CEP112: variants seen among roughly 807,000 people sequenced by gnomAD.
CEP112 encodes centrosomal protein of 112 kDa.
CEP112 carries 127 observed loss-of-function variants against 153.0 expected under a neutral mutation model. That is an observed-to-expected ratio of 0.83 (90% confidence interval 0.72 to 0.96). CEP112 has a LOEUF of 0.96. Among genes scored for constraint, CEP112 ranks in the 40% least tolerant of loss-of-function variants. The pLI, the probability that CEP112 is intolerant of heterozygous loss-of-function variation, is 0.00. For synonymous variants in CEP112, 358 were observed against 374.4 expected (o/e 0.96, Z 0.51); for missense variants, 1,089 against 1,101.2 (o/e 0.99, Z 0.16).
chr17:65,897,362 C>G (rs2059692319), intron 20 of CEP112, among the ~76,000 whole-genome samples: 2 of 152,064 alleles, frequency 1.3e-5, no homozygotes, highest in Non-Finnish European at 2.9e-5. Context: ...CATTTTAATA[C>G]AGGTGTAAGT....
intron 17 of CEP112, among the ~76,000 whole-genome samples, chr17:65,964,547 T>C (rs112099434): frequency 9.2e-5 from 14 of 152,228 alleles, no homozygotes; most frequent in African/African-American, 3.1e-4. Flanking sequence ...CATAAAGTCA[T>C]ATAAATTGTT....
chr17:65,853,516 G>C (rs1158708617), intron 20 of CEP112, among the ~76,000 whole-genome samples: 1 of 152,030 alleles, frequency 6.6e-6, no homozygotes, highest in African/African-American at 2.4e-5. Flanking sequence ...GGATCACAAG[G>C]TCAGGAGTTC....
At chr17:65,960,088 T>C (rs1331650723) in intron 18 of CEP112, among the ~76,000 whole-genome samples, 1 of 152,196 alleles carries the variant, frequency 6.6e-6, no homozygotes, top group African/African-American at 2.4e-5. Context: ...CAGTGTGTGC[T>C]TGGGACTCCT....
intron 8 of CEP112, among the ~76,000 whole-genome samples, chr17:66,084,470 T>C (rs973717315): frequency 1.3e-5 from 2 of 152,220 alleles, no homozygotes; most frequent in African/African-American, 4.8e-5. Context: ...AATGGAGTAC[T>C]ACCCAGCTAT....
chr17:66,102,961 C>A lies in CEP112; in HGVS notation c.643-6329G>T, dbSNP rs186647701. Reference sequence around the variant, plus strand: ...AAAACTAGCCAGGTGTGGTGGCTCACGCCTGTAATCCCAGCACTTTGGGAG... The same window carrying A: ...AAAACTAGCCAGGTGTGGTGGCTCAAGCCTGTAATCCCAGCACTTTGGGAG... On this transcript the variant is annotated intron_variant, in intron 6 of 26. Transcript: ENST00000535342. Among the ~76,000 whole-genome samples, 22 of 152,100 alleles carry A rather than the reference C, an allele frequency of 1.4e-4. No individual in the cohort carries two copies. In the East Asian group the frequency reaches 4.1e-3, roughly 28 times the overall value.
At chr17:65,667,558 T>TCC (rs140211726) in intron 24 of CEP112, among the ~76,000 whole-genome samples, 4 of 149,178 alleles carry the variant, frequency 2.7e-5, no homozygotes, top group Non-Finnish European at 6.0e-5. Flanking sequence ...TTTGTACTCT[T>TCC]ACACACACAC....
chr17:65,674,477 T>C lies in CEP112; in HGVS notation c.2697+14652A>G, dbSNP rs537184238. ...GGCTGAGAAGCTGAACAAATCTTTC[T>C]TTTAACAGTTTCACACACAAAAAAT... On this transcript the variant is annotated intron_variant, in intron 24 of 26. Coordinates refer to ENST00000535342, the MANE Select transcript of CEP112 (RefSeq NM_001199165.4). Among the ~76,000 whole-genome samples, 7 of 152,334 alleles carry C rather than the reference T, an allele frequency of 4.6e-5. No individual in the cohort carries two copies. In the East Asian group the frequency reaches 1.4e-3, roughly 29 times the overall value.
intron 20 of CEP112, among the ~76,000 whole-genome samples, chr17:65,886,239 G>C (rs1426381209): frequency 6.6e-6 from 1 of 152,076 alleles, no homozygotes; most frequent in East Asian, 1.9e-4. Flanking sequence ...AATGGAAATG[G>C]GATAATATTT....
intron 8 of CEP112, among the ~76,000 whole-genome samples, chr17:66,073,059 T>C (rs1041945703): frequency 6.6e-6 from 1 of 152,162 alleles, no homozygotes; most frequent in African/African-American, 2.4e-5. Context: ...TCAAAAAACA[T>C]TTAAGTTTTC....
chr17:66,147,690 A>G (rs183251946), intron 4 of CEP112, among the ~76,000 whole-genome samples: 395 of 152,264 alleles, frequency 2.6e-3, no homozygotes, highest in Middle Eastern at 0.017. Context: ...TTTATATATG[A>G]TGTAAAGTGA....
intron 8 of CEP112, among the ~76,000 whole-genome samples, chr17:66,083,842 A>G (rs1413772723): frequency 6.6e-6 from 1 of 152,180 alleles, no homozygotes; most frequent in African/African-American, 2.4e-5. Context: ...TGGGTGACTG[A>G]GCGAGACTCC....
chr17:65,660,235 C>CTT (rs2046282038), intron 24 of CEP112, among the ~76,000 whole-genome samples: 1 of 86,970 alleles, frequency 1.1e-5, no homozygotes, highest in East Asian at 6.7e-4. Context: ...CTCCTTCCTT[C>CTT]CTCTTTTTTG....
At chr17:65,961,009 T>TAA (rs34186038) in intron 18 of CEP112, among the ~76,000 whole-genome samples, 281 of 146,414 alleles carry the variant, frequency 1.9e-3, no homozygotes, top group East Asian at 7.9e-3. Flanking sequence ...CTTTAAAAAC[T>TAA]AAAAAAAAAA....
chr17:65,955,102 G>A (rs941017918), intron 18 of CEP112, among the ~76,000 whole-genome samples: 2 of 152,226 alleles, frequency 1.3e-5, no homozygotes, highest in Admixed American at 6.5e-5. Flanking sequence ...GAATCTTAAG[G>A]GCTGTGAGCC....
At position 66,042,778 on chromosome 17, in the gene CEP112, G is replaced by A. The variant is rs546359995; in HGVS notation, c.1218+10958C>T. ...TAAGATGTGAAAAACAGGAGAAACC[G>A]AGTGCAGGTTATATGGGAATTCTCT... is the stretch of plus-strand genomic sequence containing the variant. On this transcript the variant is annotated intron_variant, in intron 12 of 26. Transcript: ENST00000535342. Among the ~76,000 whole-genome samples, 4 of 152,244 alleles carry A rather than the reference G, an allele frequency of 2.6e-5. No homozygotes were observed. In the East Asian group the frequency reaches 5.8e-4, roughly 22 times the overall value.
At chr17:65,762,749 C>T (rs958526372) in intron 21 of CEP112, among the ~76,000 whole-genome samples, 4 of 151,834 alleles carry the variant, frequency 2.6e-5, no homozygotes, top group African/African-American at 7.3e-5. Flanking sequence ...TGTATTACTG[C>T]TGTCATTCAT....
chr17:65,912,054 A>G (rs181739373), intron 19 of CEP112, among the ~76,000 whole-genome samples: 1 of 152,294 alleles, frequency 6.6e-6, no homozygotes, highest in Non-Finnish European at 1.5e-5. Flanking sequence ...TGGGTCTGCG[A>G]ACCAACTCAG....
At chr17:65,970,892 T>C (rs962664309) in intron 17 of CEP112, among the ~76,000 whole-genome samples, 2 of 152,248 alleles carry the variant, frequency 1.3e-5, no homozygotes, top group Non-Finnish European at 2.9e-5. Context: ...GCATATCACA[T>C]CTGTGTGCAT....
chr17:66,014,811 CT>C (rs1311520822), intron 16 of CEP112, among the ~76,000 whole-genome samples: 1 of 152,348 alleles, frequency 6.6e-6, no homozygotes, highest in African/African-American at 2.4e-5. Flanking sequence ...CTCTCAGTAA[CT>C]TTCCTCTGAA....
Sources: allele counts gnomAD v4.1 joint callset (sites outside exome capture counted in the v4.1 genomes callset), GRCh38; gene constraint gnomAD v4.1.1; transcripts MANE v1.5; gene names NCBI Gene and HGNC (gene_info 2026-07-23, HGNC 2026-07-21).